Variants in PPIP5K1 observed in about 807,000 individuals in gnomAD.
PPIP5K1 encodes the protein diphosphoinositol pentakisphosphate kinase 1.
PPIP5K1 carries 6 observed loss-of-function variants against 27.7 expected under a neutral mutation model. That is an observed-to-expected ratio of 0.22 (90% CI 0.12 to 0.43). PPIP5K1 has a LOEUF of 0.43. PPIP5K1 is among the 20% of genes least tolerant of loss of function. The pLI is 1.00. For synonymous variants in PPIP5K1, 145 were observed against 242.6 expected (o/e 0.60, Z 3.74); for missense variants, 394 against 635.4 (o/e 0.62, Z 4.08).
Position 43,554,624 on chromosome 15 carries a change from CACACACACAG to C in PPIP5K1, c.3556+4161_3556+4170del, listed in dbSNP as rs1032425048. Among the ~76,000 whole-genome samples, 27 of 137,792 alleles carry C rather than the reference CACACACACAG, an allele frequency of 2.0e-4. No homozygotes were observed. The East Asian group carries it at 3.0e-3, about 15-fold the overall frequency. 90.4% of individuals were successfully genotyped at this position (137,792 alleles called of 152,430 possible). A position where few individuals can be genotyped will look rare whatever the true frequency, so the allele number is the denominator to read the frequency against. On this transcript the variant is annotated intron_variant, in intron 30 of 31. Coordinates refer to ENST00000420765, the MANE Select transcript of PPIP5K1 (RefSeq NM_001394395.1). Reference sequence around the variant, plus strand: ...TCAAATATAAGACACCTGGCATACACACACACACAGACACACACACACACACACACACACA... The same window carrying C: ...TCAAATATAAGACACCTGGCATACACACACACACACACACACACACACACA...
chr15:43,548,552 GTT>G (rs34145101), intron 30 of PPIP5K1: 14 of 135,432 alleles, frequency 1.0e-4, no homozygotes, highest in South Asian at 2.4e-4. Flanking sequence ...ACCCTGCGTT[GTT>G]TTTTTTTTTT....
At chr15:43,537,466 A>C (rs1189683549) in intron 31 of PPIP5K1, 1 of 216,458 alleles carries the variant, frequency 4.6e-6, no homozygotes. Context: ...AGGTGGGTGC[A>C]TCACTTGAGA....
intron 26 of PPIP5K1, among the ~76,000 whole-genome samples, chr15:43,567,411 CCTGG>C (rs2084239095): frequency 3.1e-3 from 6 of 1,936 alleles, no homozygotes; most frequent in African/African-American, 7.8e-3. Flanking sequence ...AGCCACTGCG[CCTGG>C]CCAGATCTAC....
intron 26 of PPIP5K1, among the ~76,000 whole-genome samples, chr15:43,567,061 A>C (rs142940054): frequency 2.9e-5 from 2 of 69,266 alleles, no homozygotes; most frequent in African/African-American, 3.1e-4. Flanking sequence ...CCTATTCTTT[A>C]CTGGGACTTC....
chr15:43,535,065 G>A lies in PPIP5K1; in HGVS notation c.4082C>T (p.Pro1361Leu). 6.2e-7 allele frequency: 1 copy of A among 1,613,972 alleles called. No homozygotes were observed. Among genetic ancestry groups the A allele is most frequent in the Non-Finnish European group, 8.5e-7 (1 of 1,179,976 alleles). ...DNGNHTCQEV[P>L]HISQPCQKSS... ...CTTCTGGCATGGCTGGCTGATGTGA[G>A]GGACCTCCTGGCATGTGTGGTTACC... is the stretch of plus-strand genomic sequence containing the variant. The change falls in exon 32 of 32, where the codon CCT becomes CTT. Residue 1361 changes from proline to leucine, a missense_variant. This residue lies in a region of PPIP5K1 where 379 missense variants were observed against 423.9 expected (regional missense o/e 0.89). Coordinates refer to ENST00000420765, the MANE Select transcript of PPIP5K1 (RefSeq NM_001394395.1).
At chr15:43,542,686 GTGTGT>G (rs2080918814) in intron 30 of PPIP5K1, among the ~76,000 whole-genome samples, 1 of 150,438 alleles carries the variant, frequency 6.6e-6, no homozygotes, top group Non-Finnish European at 1.5e-5. Context: ...GTGTGTGTGT[GTGTGT>G]GTGTGTTTTA....
intron 31 of PPIP5K1, chr15:43,536,294 CTG>C (rs1566998287): frequency 3.2e-6 from 1 of 316,320 alleles, no homozygotes; most frequent in South Asian, 2.3e-5. Context: ...TGGCGGCTGT[CTG>C]TAATCCCAGC....
At position 43,535,498 on chromosome 15, in the gene PPIP5K1, T is replaced by C. The variant is rs761334891; in HGVS notation, c.3671-22A>G. 9 of 1,530,604 alleles carry C rather than the reference T, an allele frequency of 5.9e-6. No homozygotes were observed. The African/African-American group carries it at 8.3e-5, about 14-fold the overall frequency. 94.8% of individuals were successfully genotyped at this position (1,530,604 alleles called of 1,614,324 possible). On this transcript the variant is annotated intron_variant, in intron 31 of 31. Transcript: ENST00000420765. ...CTGTCTGTAAAGCAAAGTCAAGAGA[T>C]CAAGTTAGAGAAGCTGGAAGAGTAG...
intron 30 of PPIP5K1, among the ~76,000 whole-genome samples, chr15:43,548,223 T>C (rs1360272708): frequency 6.6e-6 from 1 of 151,328 alleles, no homozygotes; most frequent in Non-Finnish European, 1.5e-5. Flanking sequence ...CTCAGCCTCC[T>C]GAGTAGCTGG....
At chr15:43,541,742 A>G (rs907133527) in intron 30 of PPIP5K1, among the ~76,000 whole-genome samples, 2 of 151,890 alleles carry the variant, frequency 1.3e-5, no homozygotes, top group African/African-American at 2.4e-5. Flanking sequence ...AAAAAAAAAA[A>G]AGAGAGAAAA....
At chr15:43,559,584 C>T (rs1214562084) in intron 29 of PPIP5K1, among the ~76,000 whole-genome samples, 2 of 152,146 alleles carry the variant, frequency 1.3e-5, no homozygotes, top group Non-Finnish European at 2.9e-5. Context: ...TTCTGATCTA[C>T]TGGAAAACCC....
At chr15:43,556,250 G>T (rs1337706162) in intron 30 of PPIP5K1, among the ~76,000 whole-genome samples, 1 of 152,076 alleles carries the variant, frequency 6.6e-6, no homozygotes. Context: ...AACCTGGAAG[G>T]CAGAGGTTGC....
At chr15:43,549,056 AATATAT>A (rs762219321) in intron 30 of PPIP5K1, among the ~76,000 whole-genome samples, 1,798 of 54,238 alleles carry the variant, frequency 0.033, 41 homozygotes, top group Middle Eastern at 0.083. Flanking sequence ...AAAAAAAAAA[AATATAT>A]ATATATATAT....
chr15:43,544,555 GA>G, intron 30 of PPIP5K1, among the ~76,000 whole-genome samples: 1 of 152,324 alleles, frequency 6.6e-6, no homozygotes, highest in Non-Finnish European at 1.5e-5. Flanking sequence ...AGCACTTTGG[GA>G]GGCTTAAGCA....
intron 30 of PPIP5K1, among the ~76,000 whole-genome samples, chr15:43,554,526 TTGCACAGA>T (rs538413981): frequency 1.6e-3 from 248 of 152,212 alleles, no homozygotes; most frequent in Non-Finnish European, 2.5e-3. Flanking sequence ...TGGTTACTAT[TTGCACAGA>T]ATATGTTTTT....
intron 30 of PPIP5K1, among the ~76,000 whole-genome samples, chr15:43,541,627 G>C (rs1435346329): frequency 6.6e-6 from 1 of 151,662 alleles, no homozygotes; most frequent in Non-Finnish European, 1.5e-5. Flanking sequence ...TGAAGCAGGA[G>C]AATCACTTGA....
intron 26 of PPIP5K1, among the ~76,000 whole-genome samples, chr15:43,565,500 C>T (rs1355978352): frequency 7.2e-6 from 1 of 138,696 alleles, no homozygotes; most frequent in Non-Finnish European, 1.5e-5. Context: ...TCCAACATCC[C>T]CTCCCTTCAG....
At chr15:43,539,449 A>C (rs1232686319) in intron 31 of PPIP5K1, 21 bp downstream of exon 31, 2 of 1,493,220 alleles carry the variant, frequency 1.3e-6, no homozygotes, top group South Asian at 1.2e-5. Flanking sequence ...TTGTCTAGGC[A>C]GTTCCAAAAG....
intron 30 of PPIP5K1, among the ~76,000 whole-genome samples, chr15:43,549,033 A>G (rs1483011250): frequency 2.8e-5 from 2 of 72,310 alleles, no homozygotes; most frequent in African/African-American, 2.6e-4. Flanking sequence ...ATCTCAAAAA[A>G]AAAAAAAAAA....
Sources: allele counts gnomAD v4.1 joint callset (sites outside exome capture counted in the v4.1 genomes callset), GRCh38; gene constraint gnomAD v4.1.1; regional missense constraint gnomAD v4.1.1; transcripts MANE v1.5; gene names NCBI Gene and HGNC (gene_info 2026-07-23, HGNC 2026-07-21).